The following BTBD7 variants were observed in gnomAD, a reference collection of about 807,000 sequenced individuals.
BTBD7 encodes the protein BTB/POZ domain-containing protein 7.
In BTBD7, 38 loss-of-function variants were observed where a neutral mutation model predicts 99.9. The ratio of observed to expected loss-of-function variants is 0.38; its 90% CI spans 0.29 to 0.50. The LOEUF (loss-of-function observed/expected upper bound fraction) is 0.50. Ranked by LOEUF, BTBD7 falls within the 20% of genes least tolerant of loss-of-function variation. BTBD7 has a pLI of 0.93. For missense variants in BTBD7, 1,170 were observed against 1,394.6 expected (o/e 0.84, Z 2.57); for synonymous variants, 520 against 511.4 (o/e 1.02, Z -0.23).
At position 93,248,374 on chromosome 14, in the gene BTBD7, C is replaced by A. The variant is rs117053891; in HGVS notation, c.2121+102G>T. ...ACCAAAGGCAGTGAAAAAGCACATA[C>A]GACGAAAAGGAAATAAGCCAAGGAC... On this transcript the variant is annotated intron_variant, in intron 9 of 10. Coordinates refer to ENST00000334746, the MANE Select transcript of BTBD7 (RefSeq NM_001002860.4). 5.6e-6 allele frequency: 7 copies of A among 1,252,722 alleles called. No individual in the cohort carries two copies. The African/African-American group carries it at 7.5e-5, about 13-fold the overall frequency. The allele number at this position is 1,252,722 out of a possible 1,614,324, so 77.6% of individuals were successfully genotyped here. A position where few individuals can be genotyped will look rare whatever the true frequency, so the allele number is the denominator to read the frequency against.
chr14:93,283,414 C>T (rs997105106), intron 3 of BTBD7, among the ~76,000 whole-genome samples: 9 of 152,180 alleles, frequency 5.9e-5, no homozygotes, highest in Admixed American at 4.6e-4. Context: ...GAAATTTAGA[C>T]ATTTAATGGA....
At chr14:93,310,023 T>C (rs189338866) in intron 1 of BTBD7, among the ~76,000 whole-genome samples, 282 of 152,236 alleles carry the variant, frequency 1.9e-3, no homozygotes, top group African/African-American at 6.5e-3. Context: ...TGGGGTGCCG[T>C]GGCACAAACA....
At chr14:93,271,746 G>A (rs2052603346) in intron 3 of BTBD7, among the ~76,000 whole-genome samples, 1 of 152,090 alleles carries the variant, frequency 6.6e-6, no homozygotes, top group Non-Finnish European at 1.5e-5. Context: ...GGCTCACACC[G>A]GTAATCCCAG....
intron 1 of BTBD7, among the ~76,000 whole-genome samples, chr14:93,302,338 C>T (rs1272269487): frequency 1.3e-5 from 2 of 151,780 alleles, no homozygotes; most frequent in African/African-American, 2.4e-5. Flanking sequence ...TGGGAATGTA[C>T]GAAAAAATGC....
chr14:93,315,518 C>T (rs2053190442), intron 1 of BTBD7, among the ~76,000 whole-genome samples: 1 of 152,184 alleles, frequency 6.6e-6, no homozygotes. Flanking sequence ...GTGGTTCTGA[C>T]ATGTAGAACA....
At chr14:93,257,116 G>T (rs781055199) in intron 6 of BTBD7, 79 bp downstream of exon 6, 5 of 1,434,588 alleles carry the variant, frequency 3.5e-6, no homozygotes, top group Middle Eastern at 2.1e-4. Flanking sequence ...ATTAGTAGCA[G>T]AAATTATTTA....
chr14:93,315,007 T>C (rs2053182167), intron 1 of BTBD7, among the ~76,000 whole-genome samples: 2 of 152,308 alleles, frequency 1.3e-5, no homozygotes, highest in South Asian at 2.1e-4. Context: ...TTTAAAACTA[T>C]GATAGCTTTT....
rs1277506957 is a variant in BTBD7, at chr14:93,242,551, A to G, written c.3121T>C (p.Leu1041=). ...GTACTAGCATTTTCTGGGGCTGCCA[A>G]AGGAAAGTCTGACCGCTGGGGAGGT... ...EQPPQRSDFP[L]AAPENASTGP... is the part of the protein sequence containing the mutation. The change falls in exon 11 of 11, where the codon TTG becomes CTG. Residue 1041 remains leucine, a synonymous_variant. Transcript: ENST00000334746. 8 of 1,614,118 alleles carry G rather than the reference A, an allele frequency of 5.0e-6. No homozygotes were observed. Among genetic ancestry groups the G allele is most frequent in the Non-Finnish European group, 6.8e-6 (8 of 1,180,060 alleles).
chr14:93,271,590 T>A (rs1305959805), intron 3 of BTBD7, among the ~76,000 whole-genome samples: 1 of 152,100 alleles, frequency 6.6e-6, no homozygotes, highest in Non-Finnish European at 1.5e-5. Flanking sequence ...TGATTCAGAA[T>A]CCTGAGAAAA....
chr14:93,265,948 T>C (rs2052537455), intron 3 of BTBD7, among the ~76,000 whole-genome samples: 1 of 151,960 alleles, frequency 6.6e-6, no homozygotes, highest in Non-Finnish European at 1.5e-5. Context: ...CAAACAAAAA[T>C]CTTGGATAAT....
intron 1 of BTBD7, among the ~76,000 whole-genome samples, chr14:93,297,562 G>A (rs1384616030): frequency 1.3e-5 from 2 of 152,248 alleles, no homozygotes; most frequent in Admixed American, 6.5e-5. Flanking sequence ...GCCAAGACCA[G>A]GAGTCTTGCA....
chr14:93,293,734 G>T, intron 3 of BTBD7, 124 bp downstream of exon 3: 1 of 1,249,094 alleles, frequency 8.0e-7, no homozygotes, highest in South Asian at 1.6e-5. Flanking sequence ...ATAACTGAAG[G>T]TTCAAAAAAA....
intron 3 of BTBD7, among the ~76,000 whole-genome samples, chr14:93,287,143 C>T (rs1453878368): frequency 4.6e-5 from 7 of 151,034 alleles, no homozygotes; most frequent in South Asian, 2.1e-4. Context: ...GCAGGAGAAT[C>T]GCTTGAACCT....
At position 93,294,900 on chromosome 14, in the gene BTBD7, T is replaced by C. The variant is rs1465228639; in HGVS notation, c.120A>G (p.Glu40=). 4.4e-6 allele frequency: 7 copies of C among 1,605,588 alleles called. No homozygotes were observed. Among genetic ancestry groups the C allele is most frequent in the East Asian group, 2.2e-5 (1 of 44,862 alleles). Residue 40 remains glutamate, a synonymous_variant, in exon 3 of 11, where the codon GAA becomes GAG. Coordinates refer to ENST00000334746, the MANE Select transcript of BTBD7 (RefSeq NM_001002860.4). ...SSYSQQGYGC[E]SKLYSLDHGH... The stretch of plus-strand genomic sequence containing the variant: ...CATGGTCAAGGCTATACAACTTTGA[T>C]TCGCAACCATAGCCTTGCTGAGAAT...
chr14:93,267,075 G>A (rs2052550824), intron 3 of BTBD7, among the ~76,000 whole-genome samples: 1 of 152,184 alleles, frequency 6.6e-6, no homozygotes, highest in Non-Finnish European at 1.5e-5. Flanking sequence ...GATAGGAAAG[G>A]CAATCTCATA....
At position 93,289,863 on chromosome 14, in the gene BTBD7, T is replaced by TA. The variant is rs1157570767; in HGVS notation, c.1162+3994_1162+3995insT. ...TCAACTCTCTGGGCTTTTTTTTTTT[T>TA]TTTTTTTTTGGAGACAGAGTCTCAC... On this transcript the variant is annotated intron_variant, in intron 3 of 10. Coordinates refer to ENST00000334746, the MANE Select transcript of BTBD7 (RefSeq NM_001002860.4). 2.7e-5 allele frequency among the ~76,000 whole-genome samples: 4 copies of TA among 149,800 alleles called. No homozygotes were observed. The East Asian group carries it at 7.8e-4, about 29-fold the overall frequency.
At chr14:93,309,126 G>A (rs1442452993) in intron 1 of BTBD7, among the ~76,000 whole-genome samples, 2 of 152,082 alleles carry the variant, frequency 1.3e-5, no homozygotes, top group African/African-American at 4.8e-5. Flanking sequence ...TTTAATGACT[G>A]GAGTGGGAGT....
At chr14:93,332,188 T>G (rs1462724287) in intron 1 of BTBD7, 1 of 152,260 alleles carries the variant, frequency 6.6e-6, no homozygotes, top group Non-Finnish European at 1.5e-5. Context: ...GCACACTTTT[T>G]GCCATTCAAG....
At chr14:93,305,829 T>C (rs2053063503) in intron 1 of BTBD7, among the ~76,000 whole-genome samples, 1 of 152,166 alleles carries the variant, frequency 6.6e-6, no homozygotes, top group Non-Finnish European at 1.5e-5. Flanking sequence ...ACCACCCCAA[T>C]ATCTGGTGAG....
Sources: gnomAD v4.1 joint callset for allele counts (sites outside exome capture counted in the v4.1 genomes callset) on GRCh38, gnomAD v4.1.1 for gene constraint, MANE v1.5 for transcripts, NCBI Gene and HGNC (gene_info 2026-07-23, HGNC 2026-07-21) for gene names.